ADNP: variants seen among roughly 807,000 people sequenced by gnomAD.
ADNP encodes activity dependent neuroprotector homeobox, also known as activity-dependent neuroprotector homeobox protein.
In ADNP, 4 loss-of-function variants were observed where a neutral mutation model predicts 84.9. The observed-to-expected ratio is 0.05, with a 90% CI of 0.02 to 0.11. ADNP has a LOEUF of 0.11. ADNP is among the 10% of genes least tolerant of loss of function. ADNP has a pLI of 1.00. For synonymous variants in ADNP, 554 were observed against 468.1 expected (o/e 1.18, Z -2.37); for missense variants, 1,132 against 1,326.0 (o/e 0.85, Z 2.27).
In ADNP at chr20:50,894,105, T is replaced by C. The variant is rs149395444; in HGVS notation, c.609A>G (p.Lys203=). 52 of 1,614,002 alleles carry C rather than the reference T, an allele frequency of 3.2e-5. No individual in the cohort carries two copies. In the African/African-American group the frequency reaches 4.9e-4, roughly 15 times the overall value. Residue 203 remains lysine (K), a synonymous_variant, in exon 6 of 6, where the codon AAA becomes AAG. Transcript: ENST00000621696. Reference sequence around the variant, plus strand: ...CTAAGGGGACTGCCCCATTGAGTGATTTTTCTCCTGCCTTTGCTATGTAAG... The same window carrying C: ...CTAAGGGGACTGCCCCATTGAGTGACTTTTCTCCTGCCTTTGCTATGTAAG... ...AAPYIAKAGE[K]SLNGAVPLGS...
Position 50,931,370 on chromosome 20 carries a change from A to G in ADNP, c.-809T>C. 6.6e-6 allele frequency: 1 copy of G among 151,514 alleles called. No individual in the cohort carries two copies. 9.4% of individuals were successfully genotyped at this position (151,514 alleles called of 1,614,324 possible). A position where few individuals can be genotyped will look rare whatever the true frequency, so the allele number is the denominator to read the frequency against. ...GGGGGCTGATCCCGCGTCTCCCCTC[A>G]GCAGACAATACAAGCGCCTCGGACC... On this transcript the variant is annotated 5_prime_UTR_variant, in exon 1 of 6. Coordinates refer to ENST00000621696, the MANE Select transcript of ADNP (RefSeq NM_001282531.3).
At chr20:50,904,050 A>C in intron 3 of ADNP, 49 bp from the exon 4 acceptor site, 1 of 1,351,226 alleles carries the variant, frequency 7.4e-7, no homozygotes, top group Admixed American at 1.8e-5. Context: ...TACAACTTGT[A>C]ATATTTACTA....
At chr20:50,913,789 A>T (rs1983276143) in intron 2 of ADNP, 3 of 473,896 alleles carry the variant, frequency 6.3e-6, no homozygotes, top group East Asian at 4.7e-5. Context: ...AAGCTGGAGG[A>T]GGTGAAGGAG....
chr20:50,914,195 T>A, intron 2 of ADNP: 1 of 771,106 alleles, frequency 1.3e-6, no homozygotes. Flanking sequence ...ATGATTCATA[T>A]CCTTCTGTAC....
chr20:50,892,255 G>A lies in ADNP; in HGVS notation c.2459C>T (p.Pro820Leu). ...CATGTTAAACCCCAGCAACACGCCAGGCTTGTACTTTTCACAATCACGGAC... is the reference window on the plus strand; with the variant it reads ...CATGTTAAACCCCAGCAACACGCCAAGCTTGTACTTTTCACAATCACGGAC... Reference protein sequence around the residue: ...KCVRDCEKYKPGVLLGFNMKE... With the variant: ...KCVRDCEKYKLGVLLGFNMKE... Residue 820 changes from proline (P) to leucine (L), a missense_variant, in exon 6 of 6, where the codon CCT becomes CTT. By Grantham distance (98) the Pro-to-Leu change is moderately conservative. Transcript: ENST00000621696. 1 of 1,614,086 alleles carries A rather than the reference G, an allele frequency of 6.2e-7. No homozygotes were observed. The highest frequency in any genetic ancestry group is 8.5e-7 in the Non-Finnish European group (1 of 1,180,032).
intron 2 of ADNP, among the ~76,000 whole-genome samples, chr20:50,908,355 C>G (rs1254533859): frequency 6.6e-6 from 1 of 152,088 alleles, no homozygotes; most frequent in African/African-American, 2.4e-5. Context: ...AAAGTTTCAA[C>G]CAAACTCTAT....
At chr20:50,919,825 C>G (rs967788781) in intron 2 of ADNP, among the ~76,000 whole-genome samples, 1 of 152,078 alleles carries the variant, frequency 6.6e-6, no homozygotes, top group African/African-American at 2.4e-5. Flanking sequence ...CTATGTCAAG[C>G]TTCTGAGTAA....
In ADNP at chr20:50,892,889, G is replaced by A. The variant is rs1980942527; in HGVS notation, c.1825C>T (p.Pro609Ser). Residue 609 changes from proline to serine, a missense_variant, in exon 6 of 6, where the codon CCT (proline) becomes TCT (serine). Around this residue, in one of 10 missense-constraint regions of ADNP, gnomAD observed 53 missense variants for 39.8 expected, o/e 1.33. Transcript: ENST00000621696. ...EKADIPVKSS[P>S]QAAVPYKKDV... ...TTTTTATAGGGCACTGCAGCTTGAGGTGAACTTTTTACAGGGATATCTGCC... is the reference window on the plus strand; with the variant it reads ...TTTTTATAGGGCACTGCAGCTTGAGATGAACTTTTTACAGGGATATCTGCC... 1.2e-6 allele frequency: 2 copies of A among 1,614,234 alleles called. No individual in the cohort carries two copies. The highest frequency in any genetic ancestry group is 1.7e-6 in the Non-Finnish European group (2 of 1,180,044).
intron 2 of ADNP, among the ~76,000 whole-genome samples, chr20:50,917,732 G>A (rs749542397): frequency 2.0e-5 from 3 of 152,098 alleles, no homozygotes; most frequent in African/African-American, 7.2e-5. Context: ...ATTGGGAAGC[G>A]GGAACACAGG....
chr20:50,909,862 G>A (rs1314421095), intron 2 of ADNP: 2 of 152,246 alleles, frequency 1.3e-5, no homozygotes, highest in African/African-American at 4.8e-5. Flanking sequence ...ACGCTGAAAA[G>A]GAGAGTTGAG....
At chr20:50,920,517 T>C (rs1600990421) in intron 2 of ADNP, among the ~76,000 whole-genome samples, 1 of 148,450 alleles carries the variant, frequency 6.7e-6, no homozygotes, top group African/African-American at 2.5e-5. Context: ...GAGGCAGAGG[T>C]TGAGATCGCG....
intron 5 of ADNP, among the ~76,000 whole-genome samples, chr20:50,895,648 C>A (rs1030445786): frequency 6.6e-6 from 1 of 152,146 alleles, no homozygotes; most frequent in Non-Finnish European, 1.5e-5. Flanking sequence ...TGGGCTCATG[C>A]GATCCTCCCA....
rs1351373890 is a variant in ADNP at position 50,890,532 on chromosome 20, C to T, written c.*873G>A. The T allele has an allele frequency of 6.6e-6, 1 of 152,652 alleles. No individual in the cohort carries two copies. Among genetic ancestry groups the T allele is most frequent in the Non-Finnish European group, 1.5e-5 (1 of 68,048 alleles). The allele number at this position is 152,652 out of a possible 1,614,324, so 9.5% of individuals were successfully genotyped here. On this transcript the variant is annotated 3_prime_UTR_variant, in exon 6 of 6. Coordinates refer to ENST00000621696, the MANE Select transcript of ADNP (RefSeq NM_001282531.3). The stretch of plus-strand genomic sequence containing the variant: ...AAATGCAGCACTCATTGGTTTGCTG[C>T]TTCAACACAACACACTTTTATACAG...
chr20:50,892,514 C>T lies in ADNP; in HGVS notation c.2200G>A (p.Asp734Asn). ...FPLLKKRKLD[D>N]DSDSPSFFEE... ...AAGAAGCTGGGTGAATCACTATCAT[C>T]ATCTAACTTTCGTTTTTTCAGTAAG... The change falls in exon 6 of 6, where the codon GAT (aspartate) becomes AAT (asparagine). Residue 734 changes from aspartate (D) to asparagine (N), a missense_variant. Around this residue, in one of 10 missense-constraint regions of ADNP, gnomAD observed 101 missense variants for 78.5 expected, o/e 1.29. Coordinates refer to ENST00000621696, the MANE Select transcript of ADNP (RefSeq NM_001282531.3). 2 of 1,614,214 alleles carry T rather than the reference C, an allele frequency of 1.2e-6. No homozygotes were observed. The highest frequency in any genetic ancestry group is 1.1e-5 in the South Asian group (1 of 91,084).
chr20:50,895,718 G>A (rs923831322), intron 5 of ADNP, among the ~76,000 whole-genome samples: 1 of 152,158 alleles, frequency 6.6e-6, no homozygotes, highest in Non-Finnish European at 1.5e-5. Context: ...AAATTTTGTA[G>A]AGACAGGGTC....
intron 2 of ADNP, among the ~76,000 whole-genome samples, chr20:50,906,856 A>AT: frequency 6.6e-6 from 1 of 152,348 alleles, no homozygotes; most frequent in East Asian, 1.9e-4. Flanking sequence ...GCTTATAAAT[A>AT]AAGCAGTGAC....
intron 2 of ADNP, among the ~76,000 whole-genome samples, chr20:50,913,213 A>C (rs1210596822): frequency 7.4e-6 from 1 of 134,304 alleles, no homozygotes; most frequent in African/African-American, 2.8e-5. Context: ...AGATCACGCC[A>C]CTGCACTCCA....
At chr20:50,923,936 A>T (rs1984126255) in intron 2 of ADNP, among the ~76,000 whole-genome samples, 1 of 152,160 alleles carries the variant, frequency 6.6e-6, no homozygotes, top group Non-Finnish European at 1.5e-5. Flanking sequence ...TGTCAACCTA[A>T]ATTTATAATT....
chr20:50,914,040 T>G, intron 2 of ADNP: 1 of 754,726 alleles, frequency 1.3e-6, no homozygotes, highest in Non-Finnish European at 2.5e-6. Context: ...TCAATCAAAA[T>G]GGCTCTACTC....
Sources: gnomAD v4.1 joint callset for allele counts (sites outside exome capture counted in the v4.1 genomes callset) on GRCh38, gnomAD v4.1.1 for gene constraint, gnomAD v4.1.1 regional missense constraint, MANE v1.5 for transcripts, NCBI Gene and HGNC (gene_info 2026-07-23, HGNC 2026-07-21) for gene names.